The following FBXW11 variants were observed in gnomAD, a reference collection of about 807,000 sequenced individuals.
The protein encoded by FBXW11 is F-box and WD repeat domain containing 11.
In FBXW11, 19 loss-of-function variants were observed where a neutral mutation model predicts 77.6. That is an observed-to-expected ratio of 0.24 (90% CI 0.17 to 0.36). The LOEUF (loss-of-function observed/expected upper bound fraction) is 0.36, where lower values mean the gene tolerates loss of function less well. Among genes scored for constraint, FBXW11 ranks in the 10% least tolerant of loss-of-function variants. The pLI is 1.00. For missense variants in FBXW11, 334 were observed against 704.2 expected (o/e 0.47, Z 5.95); for synonymous variants, 235 against 249.4 (o/e 0.94, Z 0.54).
intron 7 of FBXW11, among the ~76,000 whole-genome samples, chr5:171,878,613 T>A (rs1422319147): frequency 4.5e-4 from 66 of 147,726 alleles, no homozygotes; most frequent in African/African-American, 1.6e-3. Flanking sequence ...AGTGTGTGTG[T>A]GTGTGTGTGT....
At chr5:171,913,836 C>CATACACACACACACACAT (rs747341430) in intron 3 of FBXW11, among the ~76,000 whole-genome samples, 18 of 138,302 alleles carry the variant, frequency 1.3e-4, no homozygotes, top group Non-Finnish European at 1.1e-4. Context: ...CACACACACA[C>CATACACACACACACACAT]ACACACACAC....
chr5:171,995,048 C>T (rs544501098), intron 1 of FBXW11, among the ~76,000 whole-genome samples: 5 of 151,998 alleles, frequency 3.3e-5, no homozygotes, highest in Non-Finnish European at 7.4e-5. Flanking sequence ...ACAAGGATCA[C>T]GAAGTCAGAA....
At chr5:171,901,415 G>A (rs563429565) in intron 4 of FBXW11, among the ~76,000 whole-genome samples, 1 of 152,258 alleles carries the variant, frequency 6.6e-6, no homozygotes, top group South Asian at 2.1e-4. Flanking sequence ...AAAATGAGAT[G>A]ATGCATGAAA....
chr5:171,986,546 G>A (rs540242870), intron 1 of FBXW11, among the ~76,000 whole-genome samples: 1 of 152,094 alleles, frequency 6.6e-6, no homozygotes, highest in Non-Finnish European at 1.5e-5. Context: ...GGCCAACATG[G>A]CAAAGCCCCA....
intron 9 of FBXW11, among the ~76,000 whole-genome samples, chr5:171,875,915 T>C (rs1446836090): frequency 1.3e-5 from 2 of 152,212 alleles, no homozygotes; most frequent in Non-Finnish European, 2.9e-5. Context: ...CACAATCCTT[T>C]ACTCTCTGAG....
chr5:171,885,901 G>T (rs1041195545), intron 7 of FBXW11, among the ~76,000 whole-genome samples: 47 of 152,148 alleles, frequency 3.1e-4, no homozygotes, highest in Admixed American at 2.9e-3. Flanking sequence ...AGTGATTAGT[G>T]ATCAAGGATT....
intron 1 of FBXW11, among the ~76,000 whole-genome samples, chr5:171,964,071 T>C (rs1764053282): frequency 6.6e-6 from 1 of 152,234 alleles, no homozygotes; most frequent in South Asian, 2.1e-4. Context: ...CAGCCAAGCA[T>C]GATTTGCAGA....
chr5:171,867,577 G>A (rs780420600), intron 13 of FBXW11, among the ~76,000 whole-genome samples: 13 of 151,808 alleles, frequency 8.6e-5, no homozygotes, highest in Non-Finnish European at 1.9e-4. Flanking sequence ...CTTCCTGGTG[G>A]AGTTCTATTT....
At chr5:171,906,904 CT>C (rs1397830066) in intron 4 of FBXW11, among the ~76,000 whole-genome samples, 2 of 152,154 alleles carry the variant, frequency 1.3e-5, no homozygotes, top group African/African-American at 2.4e-5. Context: ...TCCATAATGG[CT>C]TATCATCCTT....
At chr5:171,913,107 C>T (rs1760988238) in intron 3 of FBXW11, among the ~76,000 whole-genome samples, 2 of 152,056 alleles carry the variant, frequency 1.3e-5, no homozygotes, top group African/African-American at 4.8e-5. Flanking sequence ...ACTATGTATG[C>T]TTTCCTTCCC....
chr5:171,964,132 G>C (rs999347139), intron 1 of FBXW11, among the ~76,000 whole-genome samples: 3 of 152,176 alleles, frequency 2.0e-5, no homozygotes, highest in Non-Finnish European at 4.4e-5. Context: ...GCTCATTTTT[G>C]TTTTACAAAC....
intron 2 of FBXW11, among the ~76,000 whole-genome samples, chr5:171,953,282 G>A (rs575115042): frequency 2.4e-4 from 37 of 152,228 alleles, no homozygotes; most frequent in African/African-American, 8.9e-4. Context: ...AGGGGTAAGC[G>A]ACCATGCTCA....
chr5:171,956,975 A>G (rs1435158471), intron 2 of FBXW11, among the ~76,000 whole-genome samples: 1 of 152,140 alleles, frequency 6.6e-6, no homozygotes, highest in African/African-American at 2.4e-5. Flanking sequence ...TCCACCCCCA[A>G]AAAGTTTTAC....
intron 1 of FBXW11, among the ~76,000 whole-genome samples, chr5:171,967,700 G>A (rs1199231512): frequency 6.6e-6 from 1 of 151,890 alleles, no homozygotes; most frequent in Admixed American, 6.6e-5. Context: ...TTAGCTGGGT[G>A]TAGTGGGGTA....
intron 2 of FBXW11, among the ~76,000 whole-genome samples, chr5:171,939,147 G>C (rs751557743): frequency 6.6e-6 from 1 of 152,144 alleles, no homozygotes; most frequent in Non-Finnish European, 1.5e-5. Context: ...TGAGGCAGGA[G>C]AATCACTTGA....
intron 4 of FBXW11, among the ~76,000 whole-genome samples, chr5:171,907,700 A>G (rs1760618655): frequency 6.6e-6 from 1 of 152,244 alleles, no homozygotes. Context: ...TTCATGTAAT[A>G]TTCAATACCA....
chr5:171,877,962 T>C (rs1160232923), intron 8 of FBXW11, 49 bp downstream of exon 8: 28 of 1,386,702 alleles, frequency 2.0e-5, no homozygotes, highest in Non-Finnish European at 2.7e-5. Flanking sequence ...ATCTCAGACT[T>C]TCTCAGGGAA....
intron 5 of FBXW11, 79 bp from the exon 6 acceptor site, chr5:171,899,173 ATATATC>A: frequency 1.1e-6 from 1 of 915,246 alleles, no homozygotes; most frequent in Non-Finnish European, 1.7e-6. Context: ...GCTGACAAAG[ATATATC>A]TTTCATGTCT....
At chr5:171,983,547 T>A (rs1765268561) in intron 1 of FBXW11, among the ~76,000 whole-genome samples, 1 of 151,854 alleles carries the variant, frequency 6.6e-6, no homozygotes. Context: ...TCGGACACTA[T>A]CTCTAGGTAG....
Sources: gnomAD v4.1 joint callset for allele counts (sites outside exome capture counted in the v4.1 genomes callset) on GRCh38, gnomAD v4.1.1 for gene constraint, MANE v1.5 for transcripts, NCBI Gene and HGNC (gene_info 2026-07-23, HGNC 2026-07-21) for gene names.